Variants in PCDH15 observed in about 807,000 individuals in gnomAD.
PCDH15 encodes protocadherin related 15.
PCDH15 carries 129 observed loss-of-function variants against 178.5 expected under a neutral mutation model. That is an observed-to-expected ratio of 0.72 (90% CI 0.63 to 0.84). The LOEUF (loss-of-function observed/expected upper bound fraction) is 0.84, where lower values mean the gene tolerates loss of function less well. Ranked by LOEUF, PCDH15 falls within the 40% of genes least tolerant of loss-of-function variation. PCDH15 has a pLI of 0.00. For synonymous variants in PCDH15, 800 were observed against 732.0 expected, an observed-to-expected ratio of 1.09 and a Z score of -1.50; for missense variants, 2,230 against 2,099.9, an observed-to-expected ratio of 1.06 and a Z score of -1.21.
intron 3 of PCDH15, among the ~76,000 whole-genome samples, chr10:54,473,821 CAT>C (rs2078085414): frequency 6.6e-6 from 1 of 151,788 alleles, no homozygotes; most frequent in East Asian, 1.9e-4. Context: ...AATTTATAAA[CAT>C]AGGAATTCTA....
chr10:54,300,482 A>C (rs897146201), intron 8 of PCDH15, among the ~76,000 whole-genome samples: 1 of 152,100 alleles, frequency 6.6e-6, no homozygotes, highest in Non-Finnish European at 1.5e-5. Flanking sequence ...TGGCCCTTTC[A>C]CTGGCCGAAA....
intron 13 of PCDH15, among the ~76,000 whole-genome samples, chr10:54,178,339 G>A (rs886548686): frequency 3.3e-5 from 5 of 152,086 alleles, no homozygotes; most frequent in African/African-American, 1.2e-4. Context: ...ATGTATGCAG[G>A]CACTTAGATT....
intron 2 of PCDH15, among the ~76,000 whole-genome samples, chr10:55,351,698 T>C (rs1028479552): frequency 1.6e-4 from 24 of 152,280 alleles, no homozygotes; most frequent in Admixed American, 9.8e-4. Context: ...TTGGTTCTTT[T>C]CATACTGACC....
intron 26 of PCDH15, among the ~76,000 whole-genome samples, chr10:53,874,867 C>T (rs973062995): frequency 2.0e-5 from 3 of 151,530 alleles, no homozygotes; most frequent in African/African-American, 4.8e-5. Context: ...AAAAATGAGA[C>T]TCGTTGAAAA....
At chr10:55,543,485 C>T (rs1464310842) in intron 2 of PCDH15, among the ~76,000 whole-genome samples, 1 of 151,126 alleles carries the variant, frequency 6.6e-6, no homozygotes, top group Non-Finnish European at 1.5e-5. Context: ...AGCTAATCTA[C>T]TTAATATGTC....
chr10:55,323,304 A>G (rs560461337), upstream of PCDH15, among the ~76,000 whole-genome samples: 1 of 152,354 alleles, frequency 6.6e-6, no homozygotes, highest in Admixed American at 6.5e-5. Flanking sequence ...GTCCCCACAC[A>G]GAGTCCCCAC....
At chr10:54,451,328 T>C (rs1346811651) in intron 3 of PCDH15, among the ~76,000 whole-genome samples, 1 of 151,956 alleles carries the variant, frequency 6.6e-6, no homozygotes, top group Admixed American at 6.6e-5. Flanking sequence ...TGAAAGTCTA[T>C]AGACTTCAAC....
chr10:55,432,100 CA>C (rs1322905494), intron 2 of PCDH15, among the ~76,000 whole-genome samples: 10 of 150,496 alleles, frequency 6.6e-5, no homozygotes, highest in African/African-American at 9.8e-5. Flanking sequence ...CACACACACA[CA>C]CACACACACA....
chr10:55,446,963 G>T (rs538525108), intron 2 of PCDH15, among the ~76,000 whole-genome samples: 7 of 152,050 alleles, frequency 4.6e-5, no homozygotes, highest in Non-Finnish European at 1.0e-4. Flanking sequence ...GTATCACAGC[G>T]ACTGCTAACA....
chr10:54,510,528 G>C (rs1251761054), intron 3 of PCDH15, among the ~76,000 whole-genome samples: 1 of 152,116 alleles, frequency 6.6e-6, no homozygotes, highest in Non-Finnish European at 1.5e-5. Flanking sequence ...GGTCCCCTTA[G>C]TACTCCCTTG....
At chr10:54,567,523 T>G (rs2089218712) in intron 2 of PCDH15, among the ~76,000 whole-genome samples, 2 of 152,172 alleles carry the variant, frequency 1.3e-5, no homozygotes, top group African/African-American at 4.8e-5. Flanking sequence ...TCCAAACCAT[T>G]ATGAAATAGT....
chr10:54,874,368 A>G (rs538523852), intron 3 of PCDH15, among the ~76,000 whole-genome samples: 5 of 148,838 alleles, frequency 3.4e-5, no homozygotes, highest in African/African-American at 1.2e-4. Context: ...AATCCAGTCT[A>G]TCATTGTTGG....
intron 2 of PCDH15, among the ~76,000 whole-genome samples, chr10:55,072,527 A>C (rs1344743806): frequency 3.3e-5 from 5 of 152,034 alleles, no homozygotes; most frequent in Non-Finnish European, 7.4e-5. Context: ...CGACACATAC[A>C]CCCTCCCAAG....
intron 3 of PCDH15, among the ~76,000 whole-genome samples, chr10:54,456,085 T>C (rs12248977): frequency 0.047 from 7,126 of 151,990 alleles, 361 homozygotes; most frequent in African/African-American, 0.12. Context: ...CCTGGGGAAA[T>C]GTGGAAAGGA....
rs562395469 is a variant in PCDH15, at chr10:53,820,157, G to A, written c.4433+8C>T. ...ACTCACATTAAAGGCTTACACAATT[G>A]TGAATACCTTGTCAGAGTCCGCCAA... On this transcript the variant is annotated splice_region_variant and intron_variant, in intron 33 of 37. Transcript: ENST00000644397. 5.0e-6 allele frequency: 2 copies of A among 397,710 alleles called. No individual in the cohort carries two copies. The highest frequency in any genetic ancestry group is 2.1e-5 in the African/African-American group (1 of 48,684). 24.6% of individuals were successfully genotyped at this position (397,710 alleles called of 1,614,324 possible).
intron 8 of PCDH15, among the ~76,000 whole-genome samples, chr10:54,247,881 A>AAAT (rs1260841226): frequency 3.4e-5 from 5 of 148,494 alleles, no homozygotes; most frequent in African/African-American, 1.2e-4. Context: ...AAAAAAAAGA[A>AAAT]ATATGTATAT....
chr10:54,114,961 G>A (rs1040166888), intron 15 of PCDH15, among the ~76,000 whole-genome samples: 2 of 152,162 alleles, frequency 1.3e-5, no homozygotes, highest in African/African-American at 2.4e-5. Context: ...TAACAAAAAT[G>A]TGAAGTCATT....
At chr10:54,150,156 T>C (rs1306766942) in intron 14 of PCDH15, among the ~76,000 whole-genome samples, 1 of 152,078 alleles carries the variant, frequency 6.6e-6, no homozygotes, top group Non-Finnish European at 1.5e-5. Flanking sequence ...AGAAAATTTA[T>C]TGGGAAGAGA....
chr10:54,262,016 C>A (rs530766398), intron 8 of PCDH15, among the ~76,000 whole-genome samples: 1 of 152,260 alleles, frequency 6.6e-6, no homozygotes, highest in Admixed American at 6.5e-5. Flanking sequence ...CTTGAACAAA[C>A]CCAAGGAAGG....
Sources: gnomAD v4.1 joint callset for allele counts (sites outside exome capture counted in the v4.1 genomes callset) on GRCh38, gnomAD v4.1.1 for gene constraint, MANE v1.5 for transcripts, NCBI Gene and HGNC (gene_info 2026-07-23, HGNC 2026-07-21) for gene names.